MLLT10: variants seen among roughly 807,000 people sequenced by gnomAD.
MLLT10 encodes protein AF-10.
Under a neutral mutation model 129.1 loss-of-function variants are expected in MLLT10, and 30 were observed. The ratio of observed to expected loss-of-function variants is 0.23; its 90% confidence interval spans 0.17 to 0.32. MLLT10 has a LOEUF of 0.32. MLLT10 is among the 10% of genes least tolerant of loss of function. MLLT10 has a pLI of 1.00. For synonymous variants in MLLT10, 490 were observed against 446.4 expected (o/e 1.10, Z -1.23); for missense variants, 1,119 against 1,268.3 (o/e 0.88, Z 1.79).
At chr10:21,664,300 T>G (rs557828218) in intron 9 of MLLT10, among the ~76,000 whole-genome samples, 20 of 151,830 alleles carry the variant, frequency 1.3e-4, no homozygotes, top group African/African-American at 4.3e-4. Flanking sequence ...GTTTTTTTTT[T>G]GTTTGCTTTT....
chr10:21,551,753 AC>A, intron 3 of MLLT10: 4 of 381,852 alleles, frequency 1.0e-5, no homozygotes, highest in African/African-American at 2.3e-5. Context: ...TTGTGTTTAG[AC>A]TTTTTTTTTT....
chr10:21,636,335 C>T (rs1193876162), intron 8 of MLLT10, among the ~76,000 whole-genome samples: 2 of 152,128 alleles, frequency 1.3e-5, no homozygotes, highest in Non-Finnish European at 2.9e-5. Flanking sequence ...GTTGCTTAGG[C>T]TGGTCTTGAG....
At chr10:21,708,570 G>T (rs1370653545) in intron 13 of MLLT10, 1 of 983,738 alleles carries the variant, frequency 1.0e-6, no homozygotes, top group Admixed American at 6.2e-5. Context: ...TTTTGTGTGT[G>T]TGTTTTTTTT....
At chr10:21,581,258 A>T (rs201064000) in intron 3 of MLLT10, among the ~76,000 whole-genome samples, 1 of 151,860 alleles carries the variant, frequency 6.6e-6, no homozygotes. Flanking sequence ...CGTGTTAGCC[A>T]GGATGGTCTC....
chr10:21,676,744 A>G, intron 11 of MLLT10, among the ~76,000 whole-genome samples: 1 of 147,642 alleles, frequency 6.8e-6, no homozygotes. Flanking sequence ...AAAAAAAAAA[A>G]AAAAAAAAAA....
intron 3 of MLLT10, among the ~76,000 whole-genome samples, chr10:21,585,163 A>T (rs1441415969): frequency 1.2e-4 from 18 of 151,684 alleles, no homozygotes; most frequent in Non-Finnish European, 8.8e-5. Context: ...GGCTCAAGCG[A>T]TCTACCTACC....
chr10:21,582,572 C>T (rs544081240), intron 3 of MLLT10, among the ~76,000 whole-genome samples: 1 of 152,254 alleles, frequency 6.6e-6, no homozygotes, highest in South Asian at 2.1e-4. Flanking sequence ...ATGTTTCTCC[C>T]ATGGATAACT....
chr10:21,629,953 C>A (rs567980525), intron 8 of MLLT10, among the ~76,000 whole-genome samples: 2 of 152,190 alleles, frequency 1.3e-5, no homozygotes, highest in African/African-American at 4.8e-5. Flanking sequence ...CAGAATGAGA[C>A]CTCATCTCTT....
intron 3 of MLLT10, among the ~76,000 whole-genome samples, chr10:21,542,566 C>T (rs911824748): frequency 6.6e-6 from 1 of 152,036 alleles, no homozygotes; most frequent in Non-Finnish European, 1.5e-5. Flanking sequence ...GAAACTCTGT[C>T]TCAAAAAAAT....
intron 2 of MLLT10, among the ~76,000 whole-genome samples, chr10:21,537,751 G>C (rs891828203): frequency 1.3e-5 from 2 of 152,182 alleles, no homozygotes; most frequent in Non-Finnish European, 1.5e-5. Flanking sequence ...TTACAGGCAT[G>C]AGCCACCGCG....
At chr10:21,715,498 A>C (rs2056476403) in intron 14 of MLLT10, among the ~76,000 whole-genome samples, 1 of 152,188 alleles carries the variant, frequency 6.6e-6, no homozygotes, top group African/African-American at 2.4e-5. Flanking sequence ...AAATGGTTTT[A>C]TCTCTTTTTA....
intron 5 of MLLT10, among the ~76,000 whole-genome samples, chr10:21,604,549 A>T (rs2043870588): frequency 6.6e-6 from 1 of 152,164 alleles, no homozygotes; most frequent in Non-Finnish European, 1.5e-5. Context: ...AGACTGTGCC[A>T]TTGCACTCCA....
intron 21 of MLLT10, 89 bp downstream of exon 21, chr10:21,735,324 A>G (rs2058273297): frequency 1.7e-5 from 20 of 1,147,688 alleles, no homozygotes; most frequent in Non-Finnish European, 2.5e-5. Context: ...CCTTTGTGAA[A>G]TAACATTATT....
chr10:21,673,904 T>C lies in MLLT10; in HGVS notation c.1606T>C (p.Ser536Pro). Reference protein sequence around the residue: ...GSLQSLSVGSSPVGSEISMQY... With the variant: ...GSLQSLSVGSPPVGSEISMQY... ...TTTACAGAGCCTCAGTGTTGGCTCA[T>C]CTCCAGTTGGTTCAGGTAGGGGTTT... The change falls in exon 11 of 23, where the codon TCT becomes CCT. Residue 536 changes from serine (S) to proline (P), a missense_variant. Ser to Pro is a moderately conservative substitution (Grantham distance 74, BLOSUM62 -1). Transcript: ENST00000307729. 1 of 1,596,920 alleles carries C rather than the reference T, an allele frequency of 6.3e-7. No homozygotes were observed. Among genetic ancestry groups the C allele is most frequent in the Non-Finnish European group, 8.5e-7 (1 of 1,172,236 alleles).
chr10:21,691,984 G>C (rs1435250104), intron 13 of MLLT10, among the ~76,000 whole-genome samples: 1 of 133,192 alleles, frequency 7.5e-6, no homozygotes, highest in Admixed American at 8.3e-5. Flanking sequence ...GGCCATCATG[G>C]TGAAACCTCA....
chr10:21,596,911 T>C (rs1038594487), intron 5 of MLLT10, among the ~76,000 whole-genome samples: 1 of 152,150 alleles, frequency 6.6e-6, no homozygotes, highest in African/African-American at 2.4e-5. Flanking sequence ...TCTAGCAGGT[T>C]AATTTTTTGT....
chr10:21,681,450 C>T, intron 12 of MLLT10, 74 bp downstream of exon 12: 1 of 972,788 alleles, frequency 1.0e-6, no homozygotes, highest in Non-Finnish European at 1.6e-6. Context: ...GTTATGCCAC[C>T]TCGGAACCTC....
At chr10:21,555,155 C>T (rs2037729472) in intron 3 of MLLT10, among the ~76,000 whole-genome samples, 1 of 151,796 alleles carries the variant, frequency 6.6e-6, no homozygotes, top group Non-Finnish European at 1.5e-5. Context: ...TTTATGCTCT[C>T]AGCTGCTCCT....
chr10:21,690,369 C>A (rs2053733290), intron 13 of MLLT10, among the ~76,000 whole-genome samples: 1 of 151,952 alleles, frequency 6.6e-6, no homozygotes, highest in African/African-American at 2.4e-5. Context: ...TTTTCTAAAA[C>A]CTTCATAATT....
Sources: gnomAD v4.1 joint callset for allele counts (sites outside exome capture counted in the v4.1 genomes callset) on GRCh38, gnomAD v4.1.1 for gene constraint, MANE v1.5 for transcripts, NCBI Gene and HGNC (gene_info 2026-07-23, HGNC 2026-07-21) for gene names.